The following MYH14 variants were observed in gnomAD, a reference collection of about 807,000 sequenced individuals.
MYH14 encodes the protein myosin-14.
A neutral mutation model predicts 255.5 loss-of-function variants in MYH14; 123 were observed. The observed-to-expected ratio is 0.48, with a 90% CI of 0.42 to 0.56. MYH14 has a LOEUF of 0.56. Among genes scored for constraint, MYH14 ranks in the 20% least tolerant of loss-of-function variants. The probability of loss-of-function intolerance (pLI) is 0.00; values close to 1 mark genes in which losing one functional copy is unlikely to be tolerated. For missense variants in MYH14, 2,423 were observed against 2,802.3 expected, an observed-to-expected ratio of 0.86 and a Z score of 3.06; for synonymous variants, 1,095 against 1,161.2, an observed-to-expected ratio of 0.94 and a Z score of 1.16.
intron 39 of MYH14, among the ~76,000 whole-genome samples, chr19:50,294,556 A>G (rs73058382): frequency 0.16 from 23,729 of 150,246 alleles, 2,633 homozygotes; most frequent in East Asian, 0.46. Context: ...TGATTCTCCA[A>G]TTTTCTCTAC....
intron 8 of MYH14, 106 bp downstream of exon 8, chr19:50,227,072 C>A: frequency 1.2e-6 from 1 of 852,278 alleles, no homozygotes; most frequent in Non-Finnish European, 1.9e-6. Flanking sequence ...ACCTGCTACT[C>A]AGATGGGACC....
intron 22 of MYH14, among the ~76,000 whole-genome samples, chr19:50,265,587 G>A (rs1338606686): frequency 6.6e-6 from 1 of 152,090 alleles, no homozygotes; most frequent in Non-Finnish European, 1.5e-5. Flanking sequence ...TTGGGAGGCT[G>A]AGGCAGGTGG....
intron 1 of MYH14, among the ~76,000 whole-genome samples, chr19:50,204,401 G>A (rs1391021112): frequency 1.3e-5 from 2 of 152,256 alleles, no homozygotes; most frequent in East Asian, 3.9e-4. Flanking sequence ...CAACTGGGAC[G>A]CAGAAATTCA....
intron 1 of MYH14, among the ~76,000 whole-genome samples, chr19:50,208,383 C>T (rs981838487): frequency 6.6e-6 from 1 of 152,052 alleles, no homozygotes; most frequent in Non-Finnish European, 1.5e-5. Flanking sequence ...CCACTGCACT[C>T]CAGCCTGGGT....
intron 10 of MYH14, among the ~76,000 whole-genome samples, chr19:50,242,484 A>G (rs576464891): frequency 1.3e-5 from 2 of 152,278 alleles, no homozygotes; most frequent in Non-Finnish European, 2.9e-5. Flanking sequence ...AAAACCTCAG[A>G]TCTCGTGAGA....
At chr19:50,282,140 G>C (rs1439608046) in intron 33 of MYH14, among the ~76,000 whole-genome samples, 2 of 152,216 alleles carry the variant, frequency 1.3e-5, no homozygotes, top group Non-Finnish European at 2.9e-5. Flanking sequence ...TTGCTTATGA[G>C]AATTAAATCA....
intron 39 of MYH14, among the ~76,000 whole-genome samples, chr19:50,297,285 G>C (rs939803448): frequency 1.3e-5 from 2 of 151,648 alleles, no homozygotes; most frequent in Non-Finnish European, 2.9e-5. Context: ...CGCCCGGCCA[G>C]GAATGTATTC....
chr19:50,237,544 T>G (rs1287904523), intron 10 of MYH14, among the ~76,000 whole-genome samples: 1 of 152,106 alleles, frequency 6.6e-6, no homozygotes, highest in African/African-American at 2.4e-5. Flanking sequence ...GCCAGGCTGG[T>G]CTCGAACTCC....
At chr19:50,278,829 A>C (rs1024268637) in intron 30 of MYH14, among the ~76,000 whole-genome samples, 13 of 151,570 alleles carry the variant, frequency 8.6e-5, no homozygotes, top group Middle Eastern at 3.2e-3. Context: ...AAAAAAAAAA[A>C]AACACAAAAT....
At chr19:50,242,110 G>A (rs541790494) in intron 10 of MYH14, among the ~76,000 whole-genome samples, 9 of 152,296 alleles carry the variant, frequency 5.9e-5, no homozygotes, top group Non-Finnish European at 8.8e-5. Context: ...TGTAGAAACC[G>A]TCCGCATCCA....
rs770990312 is a variant in MYH14 at position 50,307,129 on chromosome 19, G to A, written c.5759G>A (p.Arg1920Gln). Residue 1920 changes from arginine to glutamine, a missense_variant, in exon 41 of 43, where the codon CGG becomes CAG. Physicochemically the swap from Arg to Gln is conservative, Grantham distance 43 (BLOSUM62 1). Transcript: ENST00000642316. ...KEVVLQVEEERRVADQLRDQL... is the reference protein window; with the variant it reads ...KEVVLQVEEEQRVADQLRDQL... ...GTGGTGCTCCAGGTGGAGGAGGAGC[G>A]GAGGGTGGCTGACCAGCTCCGGGAC... is the stretch of plus-strand genomic sequence containing the variant. 46 of 1,549,514 alleles carry A rather than the reference G, an allele frequency of 3.0e-5. No individual in the cohort carries two copies. The highest frequency in any genetic ancestry group is 9.8e-5 in the East Asian group (4 of 40,912).
chr19:50,218,375 T>C (rs1160932301), intron 3 of MYH14, among the ~76,000 whole-genome samples: 1 of 151,942 alleles, frequency 6.6e-6, no homozygotes, highest in Non-Finnish European at 1.5e-5. Flanking sequence ...GGCAGGCGGA[T>C]CACGAGGTCA....
chr19:50,236,436 G>A (rs187342316), intron 10 of MYH14, among the ~76,000 whole-genome samples: 120 of 152,230 alleles, frequency 7.9e-4, no homozygotes, highest in Admixed American at 2.6e-3. Flanking sequence ...CCAGCTGGGC[G>A]CGGTGGCTCA....
intron 10 of MYH14, among the ~76,000 whole-genome samples, chr19:50,243,975 A>G (rs1478640846): frequency 4.0e-5 from 6 of 150,012 alleles, no homozygotes; most frequent in Admixed American, 4.0e-4. Flanking sequence ...TCAAAGATGG[A>G]TTCTTTTTTT....
chr19:50,270,661 A>G (rs985438663), intron 24 of MYH14, among the ~76,000 whole-genome samples: 4 of 151,162 alleles, frequency 2.6e-5, no homozygotes, highest in Non-Finnish European at 5.9e-5. Context: ...TTGTGTATTT[A>G]CTATGTTTAT....
chr19:50,255,127 C>G, intron 16 of MYH14, 93 bp from the exon 17 acceptor site: 78 of 776,204 alleles, frequency 1.0e-4, no homozygotes, highest in Non-Finnish European at 1.5e-4. Context: ...CTTCCTGCCA[C>G]CTCCTCTCCT....
intron 10 of MYH14, among the ~76,000 whole-genome samples, chr19:50,234,434 G>T (rs2033563078): frequency 6.6e-6 from 1 of 152,174 alleles, no homozygotes; most frequent in African/African-American, 2.4e-5. Context: ...TGGCGCTGTG[G>T]GAGGCCCCAG....
chr19:50,277,752 C>A (rs1016668565), intron 29 of MYH14, among the ~76,000 whole-genome samples: 2 of 151,836 alleles, frequency 1.3e-5, no homozygotes, highest in Non-Finnish European at 2.9e-5. Flanking sequence ...CCCATCTCTA[C>A]TAAAAACACA....
At chr19:50,232,333 T>C (rs2033440603) in intron 10 of MYH14, among the ~76,000 whole-genome samples, 1 of 152,186 alleles carries the variant, frequency 6.6e-6, no homozygotes, top group Non-Finnish European at 1.5e-5. Context: ...GGCTCATGCC[T>C]GTAATCCCAG....
Sources: allele counts gnomAD v4.1 joint callset (sites outside exome capture counted in the v4.1 genomes callset), GRCh38; gene constraint gnomAD v4.1.1; transcripts MANE v1.5; gene names NCBI Gene and HGNC (gene_info 2026-07-23, HGNC 2026-07-21).